The following GRIA2 variants were observed in gnomAD, a reference collection of about 807,000 sequenced individuals.
The protein encoded by GRIA2 is glutamate receptor 2.
GRIA2 carries 14 observed loss-of-function variants against 97.3 expected under a neutral mutation model. The ratio of observed to expected loss-of-function variants is 0.14; its 90% CI spans 0.10 to 0.23. The LOEUF (loss-of-function observed/expected upper bound fraction) is 0.23. GRIA2 is among the 10% of genes least tolerant of loss of function. The pLI, the probability that GRIA2 is intolerant of heterozygous loss-of-function variation, is 1.00. For synonymous variants in GRIA2, 412 were observed against 387.8 expected, an observed-to-expected ratio of 1.06 and a Z score of -0.73; for missense variants, 558 against 1,069.8, an observed-to-expected ratio of 0.52 and a Z score of 6.67.
intron 2 of GRIA2, among the ~76,000 whole-genome samples, chr4:157,278,581 A>G (rs1039620971): frequency 6.6e-6 from 1 of 152,036 alleles, no homozygotes; most frequent in Non-Finnish European, 1.5e-5. Flanking sequence ...TTAGGATAGA[A>G]CACCAAAGGC....
intron 12 of GRIA2, 107 bp from the exon 13 acceptor site, chr4:157,359,789 T>TTG: frequency 1.1e-6 from 1 of 902,874 alleles, no homozygotes. Context: ...TTTGTTCATA[T>TTG]TGTGTATATC....
At chr4:157,292,372 T>C (rs1733145359) in intron 2 of GRIA2, among the ~76,000 whole-genome samples, 1 of 152,080 alleles carries the variant, frequency 6.6e-6, no homozygotes. Flanking sequence ...AGGTTTTTAC[T>C]ATTCATAATA....
At chr4:157,235,323 T>A (rs549656673) in intron 2 of GRIA2, among the ~76,000 whole-genome samples, 2 of 152,122 alleles carry the variant, frequency 1.3e-5, no homozygotes, top group Non-Finnish European at 2.9e-5. Context: ...AAGAACAAGA[T>A]AAGGCTTCTG....
intron 2 of GRIA2, among the ~76,000 whole-genome samples, chr4:157,223,403 G>T (rs1729596849): frequency 6.6e-6 from 1 of 152,232 alleles, no homozygotes; most frequent in Non-Finnish European, 1.5e-5. Flanking sequence ...CAGAACGAAA[G>T]AGAGAAGAGG....
At chr4:157,362,767 C>T in intron 14 of GRIA2, 32 bp from the exon 15 acceptor site, 1 of 1,583,476 alleles carries the variant, frequency 6.3e-7, no homozygotes, top group Non-Finnish European at 8.6e-7. Context: ...AGTTTGCCTT[C>T]CTAATAACCT....
intron 6 of GRIA2, among the ~76,000 whole-genome samples, chr4:157,331,673 A>G (rs539274773): frequency 6.6e-5 from 10 of 151,982 alleles, no homozygotes; most frequent in Non-Finnish European, 1.2e-4. Context: ...TGAACAACAG[A>G]GTATGGGGAG....
intron 12 of GRIA2, among the ~76,000 whole-genome samples, chr4:157,350,842 C>A (rs908781956): frequency 6.6e-6 from 1 of 151,526 alleles, no homozygotes; most frequent in African/African-American, 2.4e-5. Flanking sequence ...TGTGGTAAGC[C>A]TCATGTATTC....
intron 4 of GRIA2, among the ~76,000 whole-genome samples, chr4:157,313,975 T>C (rs535889925): frequency 1.3e-5 from 2 of 152,308 alleles, no homozygotes; most frequent in Admixed American, 1.3e-4. Flanking sequence ...TATTTACTAT[T>C]CACTAAGTGG....
At chr4:157,253,522 C>A (rs1171185510) in intron 2 of GRIA2, among the ~76,000 whole-genome samples, 1 of 152,034 alleles carries the variant, frequency 6.6e-6, no homozygotes, top group Non-Finnish European at 1.5e-5. Flanking sequence ...TAAGTATATT[C>A]TTCTGAAACT....
At chr4:157,285,588 G>A (rs187958552) in intron 2 of GRIA2, among the ~76,000 whole-genome samples, 173 of 147,208 alleles carry the variant, frequency 1.2e-3, no homozygotes, top group African/African-American at 4.0e-3. Context: ...TGTGTGTAAG[G>A]CTTTTTTCCT....
chr4:157,331,125 C>T (rs1439656263), intron 6 of GRIA2, among the ~76,000 whole-genome samples: 2 of 151,928 alleles, frequency 1.3e-5, no homozygotes, highest in East Asian at 3.9e-4. Context: ...ATGATTGTGA[C>T]TTTTAATTTA....
intron 11 of GRIA2, among the ~76,000 whole-genome samples, chr4:157,338,143 C>T (rs1392928531): frequency 6.7e-6 from 1 of 148,974 alleles, no homozygotes; most frequent in African/African-American, 2.5e-5. Context: ...TAAAGATATA[C>T]AGAGAAGTTT....
chr4:157,356,580 G>A (rs1225494393), intron 12 of GRIA2, among the ~76,000 whole-genome samples: 1 of 151,976 alleles, frequency 6.6e-6, no homozygotes, highest in African/African-American at 2.4e-5. Context: ...GCTAATTGAG[G>A]CAATTCGATT....
At chr4:157,358,584 C>T (rs1441558708) in intron 12 of GRIA2, among the ~76,000 whole-genome samples, 1 of 152,128 alleles carries the variant, frequency 6.6e-6, no homozygotes. Flanking sequence ...AGACAGCTGG[C>T]CTTCTGCCTG....
At position 157,362,785 on chromosome 4, in the gene GRIA2, T is replaced by A; in HGVS notation, c.2407-14T>A. Reference sequence around the variant, plus strand: ...TTGCCTTCCTAATAACCTCTTCTCATATACATTCTTTAGGAAAAGACCAGT... The same window carrying A: ...TTGCCTTCCTAATAACCTCTTCTCAAATACATTCTTTAGGAAAAGACCAGT... On this transcript the variant is annotated splice_polypyrimidine_tract_variant and intron_variant, in intron 14 of 15. Transcript: ENST00000264426. 1 of 1,607,010 alleles carries A rather than the reference T, an allele frequency of 6.2e-7. No homozygotes were observed. The highest frequency in any genetic ancestry group is 1.1e-5 in the South Asian group (1 of 90,504).
At chr4:157,268,465 C>G (rs914492012) in intron 2 of GRIA2, among the ~76,000 whole-genome samples, 7 of 151,754 alleles carry the variant, frequency 4.6e-5, no homozygotes, top group African/African-American at 1.7e-4. Flanking sequence ...ATAGTACATA[C>G]CTCAAAATAT....
At chr4:157,224,092 C>A (rs1729635409) in intron 2 of GRIA2, among the ~76,000 whole-genome samples, 1 of 152,212 alleles carries the variant, frequency 6.6e-6, no homozygotes, top group East Asian at 1.9e-4. Flanking sequence ...AAAATTACCA[C>A]ACAATTTAAT....
intron 2 of GRIA2, among the ~76,000 whole-genome samples, chr4:157,264,309 G>A (rs1420294188): frequency 1.3e-5 from 2 of 152,070 alleles, no homozygotes; most frequent in Non-Finnish European, 2.9e-5. Flanking sequence ...TCTTCCTGGA[G>A]TCTCTAGGGG....
chr4:157,237,460 T>C (rs1366718560), intron 2 of GRIA2, among the ~76,000 whole-genome samples: 2 of 151,952 alleles, frequency 1.3e-5, no homozygotes, highest in Admixed American at 6.6e-5. Context: ...GCCTGGTTAA[T>C]TTTTAAAAAT....
Sources: gnomAD v4.1 joint callset for allele counts (sites outside exome capture counted in the v4.1 genomes callset) on GRCh38, gnomAD v4.1.1 for gene constraint, MANE v1.5 for transcripts, NCBI Gene and HGNC (gene_info 2026-07-23, HGNC 2026-07-21) for gene names.